Variants in SLC9C1 observed in about 807,000 individuals in gnomAD.
The protein encoded by SLC9C1 is solute carrier family 9 member C1, also known as sodium/hydrogen exchanger 10.
A neutral mutation model predicts 140.9 loss-of-function variants in SLC9C1; 97 were observed. The observed-to-expected ratio is 0.69, with a 90% CI of 0.58 to 0.82. The LOEUF is 0.82. Among genes scored for constraint, SLC9C1 ranks in the 40% least tolerant of loss-of-function variants. The pLI is 0.00. For synonymous variants in SLC9C1, 440 were observed against 442.6 expected (o/e 0.99, Z 0.07); for missense variants, 1,340 against 1,389.3 (o/e 0.96, Z 0.56).
intron 10 of SLC9C1, among the ~76,000 whole-genome samples, chr3:112,246,354 T>G (rs573560053): frequency 6.6e-5 from 10 of 152,310 alleles, no homozygotes; most frequent in African/African-American, 1.9e-4. Flanking sequence ...CCTTCAGTTT[T>G]GAGATATCCA....
chr3:112,166,366 C>T (rs1005317497), intron 26 of SLC9C1, among the ~76,000 whole-genome samples: 2 of 152,204 alleles, frequency 1.3e-5, no homozygotes, highest in African/African-American at 4.8e-5. Flanking sequence ...GTCACTCATG[C>T]TGGGAGCTGT....
chr3:112,164,546 G>A (rs907261215), intron 26 of SLC9C1, among the ~76,000 whole-genome samples: 2 of 148,934 alleles, frequency 1.3e-5, no homozygotes, highest in Non-Finnish European at 1.5e-5. Flanking sequence ...TAGTTTGGCT[G>A]GATATGAAAT....
At chr3:112,164,136 T>C (rs2075391826) in intron 26 of SLC9C1, among the ~76,000 whole-genome samples, 1 of 151,962 alleles carries the variant, frequency 6.6e-6, no homozygotes, top group Middle Eastern at 3.2e-3. Flanking sequence ...TAGATTTTCC[T>C]CCATCCTTTT....
At chr3:112,256,559 C>T (rs2079611526) in intron 10 of SLC9C1, among the ~76,000 whole-genome samples, 2 of 152,024 alleles carry the variant, frequency 1.3e-5, no homozygotes, top group African/African-American at 4.8e-5. Context: ...TATCGAAGGA[C>T]CATACCTCAA....
intron 12 of SLC9C1, among the ~76,000 whole-genome samples, chr3:112,232,152 A>G (rs964933180): frequency 1.3e-5 from 2 of 152,180 alleles, no homozygotes; most frequent in Non-Finnish European, 2.9e-5. Context: ...CTTTAATACT[A>G]TAATATCCCT....
intron 20 of SLC9C1, among the ~76,000 whole-genome samples, chr3:112,183,192 A>G (rs183700682): frequency 1.3e-5 from 2 of 152,130 alleles, no homozygotes; most frequent in Non-Finnish European, 2.9e-5. Context: ...ACTCACATCA[A>G]TTTACACTTC....
rs572931248 is a variant in SLC9C1, at chr3:112,218,944, C to A, written c.1671-1383G>T. Among the ~76,000 whole-genome samples the A allele has an allele frequency of 1.3e-4, 20 of 152,228 alleles. 1 individual carries two copies. The East Asian group carries it at 2.5e-3, about 19-fold the overall frequency. ...AGTGAGGCAGCTTGGCTTTGAATCCCAACTCTGTAATTTATGAGTCAAATG... is the reference window on the plus strand; with the variant it reads ...AGTGAGGCAGCTTGGCTTTGAATCCAAACTCTGTAATTTATGAGTCAAATG... On this transcript the variant is annotated intron_variant, in intron 14 of 28. Coordinates refer to ENST00000305815, the MANE Select transcript of SLC9C1 (RefSeq NM_183061.3).
intron 12 of SLC9C1, among the ~76,000 whole-genome samples, chr3:112,239,389 C>T (rs970754946): frequency 1.3e-5 from 2 of 152,240 alleles, no homozygotes; most frequent in Non-Finnish European, 2.9e-5. Flanking sequence ...AATTCCCTGA[C>T]CCCTTGCGCT....
Position 112,283,515 on chromosome 3 carries a change from A to G in SLC9C1, c.89-2732T>C, listed in dbSNP as rs569713209. The stretch of plus-strand genomic sequence containing the variant: ...AAAAAAGAATGTCTTTGTTCTATGC[A>G]AATCCTAATTTGAAGAATTCTGCAT... On this transcript the variant is annotated intron_variant, in intron 2 of 28. Coordinates refer to ENST00000305815, the MANE Select transcript of SLC9C1 (RefSeq NM_183061.3). Among the ~76,000 whole-genome samples, 14 of 151,770 alleles carry G rather than the reference A, an allele frequency of 9.2e-5. No individual in the cohort carries two copies. In the East Asian group the frequency reaches 1.7e-3, roughly 19 times the overall value.
intron 4 of SLC9C1, 121 bp downstream of exon 4, chr3:112,278,608 T>C: frequency 1.9e-6 from 2 of 1,035,184 alleles, no homozygotes; most frequent in Non-Finnish European, 2.6e-6. Flanking sequence ...GCTGAATTTA[T>C]TACTCCCATA....
chr3:112,247,118 G>A (rs1031496739), intron 10 of SLC9C1, among the ~76,000 whole-genome samples: 2 of 152,142 alleles, frequency 1.3e-5, no homozygotes, highest in African/African-American at 4.8e-5. Context: ...AGGAAAAGGA[G>A]AATAATAAAT....
chr3:112,213,996 A>G (rs997006011), intron 15 of SLC9C1, among the ~76,000 whole-genome samples: 1 of 152,208 alleles, frequency 6.6e-6, no homozygotes, highest in Non-Finnish European at 1.5e-5. Context: ...AACAGAAATT[A>G]TAACAAACTG....
intron 12 of SLC9C1, among the ~76,000 whole-genome samples, chr3:112,232,785 TGA>T (rs1374899350): frequency 1.3e-5 from 2 of 152,116 alleles, no homozygotes; most frequent in Non-Finnish European, 2.9e-5. Flanking sequence ...ATTAGTGTGC[TGA>T]GTGTTCTTAA....
chr3:112,214,539 T>C (rs1232687955), intron 15 of SLC9C1, among the ~76,000 whole-genome samples: 1 of 151,872 alleles, frequency 6.6e-6, no homozygotes, highest in African/African-American at 2.4e-5. Context: ...TCACCACCAA[T>C]CCCCTAGAAA....
chr3:112,217,909 T>C (rs2078429147), intron 14 of SLC9C1, among the ~76,000 whole-genome samples: 1 of 152,218 alleles, frequency 6.6e-6, no homozygotes, highest in African/African-American at 2.4e-5. Context: ...ATGGACAAAT[T>C]ACCTCATTAA....
intron 20 of SLC9C1, among the ~76,000 whole-genome samples, chr3:112,196,598 A>G (rs2077773458): frequency 6.6e-6 from 1 of 152,048 alleles, no homozygotes; most frequent in Admixed American, 6.6e-5. Flanking sequence ...TCAGACATGT[A>G]ATTTCCAGTG....
intron 17 of SLC9C1, among the ~76,000 whole-genome samples, chr3:112,203,511 G>A (rs972515551): frequency 2.0e-5 from 3 of 151,798 alleles, no homozygotes; most frequent in African/African-American, 7.3e-5. Context: ...GTGTAAGAAA[G>A]ATCTAAATGT....
intron 23 of SLC9C1, among the ~76,000 whole-genome samples, chr3:112,175,291 C>T (rs2077315449): frequency 6.6e-6 from 1 of 152,180 alleles, no homozygotes; most frequent in Non-Finnish European, 1.5e-5. Flanking sequence ...GGGTGCGAAA[C>T]AGCAGAGATG....
chr3:112,166,815 A>G (rs934625058), intron 26 of SLC9C1, among the ~76,000 whole-genome samples: 3 of 152,132 alleles, frequency 2.0e-5, no homozygotes, highest in Admixed American at 1.3e-4. Context: ...TTATGATTAA[A>G]GTTTTATCTA....
Sources: allele counts gnomAD v4.1 joint callset (sites outside exome capture counted in the v4.1 genomes callset), GRCh38; gene constraint gnomAD v4.1.1; transcripts MANE v1.5; gene names NCBI Gene and HGNC (gene_info 2026-07-23, HGNC 2026-07-21).